SPEF2: variants seen among roughly 807,000 people sequenced by gnomAD.
SPEF2 encodes the protein sperm flagellar and cilia associated 2.
A neutral mutation model predicts 224.6 loss-of-function variants in SPEF2; 187 were observed. That is an observed-to-expected ratio of 0.83 (90% CI 0.74 to 0.94). The LOEUF (loss-of-function observed/expected upper bound fraction) is 0.94, where lower values mean the gene tolerates loss of function less well. Among genes scored for constraint, SPEF2 ranks in the 40% least tolerant of loss-of-function variants. The pLI, the probability that SPEF2 is intolerant of heterozygous loss-of-function variation, is 0.00. For missense variants in SPEF2, 2,170 were observed against 2,135.6 expected (o/e 1.02, Z -0.32); for synonymous variants, 715 against 707.3 (o/e 1.01, Z -0.17).
At chr5:35,689,385 G>A (rs1580287639) in intron 10 of SPEF2, among the ~76,000 whole-genome samples, 1 of 152,042 alleles carries the variant, frequency 6.6e-6, no homozygotes, top group Non-Finnish European at 1.5e-5. Flanking sequence ...AGTTACAGAG[G>A]TGTATTGCAC....
chr5:35,770,447 G>T (rs1045269323), intron 26 of SPEF2, among the ~76,000 whole-genome samples: 5 of 152,004 alleles, frequency 3.3e-5, no homozygotes, highest in African/African-American at 1.2e-4. Context: ...TGTCATCAGA[G>T]CTTATTCCTC....
At chr5:35,619,143 A>C (rs998633943) in intron 1 of SPEF2, among the ~76,000 whole-genome samples, 2 of 152,110 alleles carry the variant, frequency 1.3e-5, no homozygotes, top group Admixed American at 1.3e-4. Flanking sequence ...TCAAATAACC[A>C]TCTACACACT....
intron 21 of SPEF2, among the ~76,000 whole-genome samples, chr5:35,731,509 A>G (rs1314721377): frequency 1.4e-5 from 2 of 147,296 alleles, no homozygotes; most frequent in East Asian, 3.9e-4. Context: ...AGCAAGCTTC[A>G]TTGGATTTTT....
chr5:35,721,472 C>T (rs1743648247), intron 20 of SPEF2, among the ~76,000 whole-genome samples: 1 of 152,144 alleles, frequency 6.6e-6, no homozygotes, highest in African/African-American at 2.4e-5. Context: ...GTGCCCAGAC[C>T]TTACCAATTG....
chr5:35,730,372 T>A (rs1040668774), intron 21 of SPEF2, among the ~76,000 whole-genome samples: 1 of 152,230 alleles, frequency 6.6e-6, no homozygotes, highest in African/African-American at 2.4e-5. Context: ...GAGGCAGCCA[T>A]GCCTCGGGCC....
Position 35,738,336 on chromosome 5 carries a change from T to C in SPEF2, c.3064-1583T>C, listed in dbSNP as rs541228219. Among the ~76,000 whole-genome samples the C allele has an allele frequency of 2.3e-4, 35 of 152,036 alleles. 1 individual carries two copies. The highest frequency in any genetic ancestry group is 8.2e-4 in the African/African-American group (34 of 41,408). On this transcript the variant is annotated intron_variant, in intron 21 of 36. Transcript: ENST00000356031. ...TGCCTAGGTTTTCTTCTAGGGTTTT[T>C]ATGGTTTTAGGTCTAACATTCAAGT...
Position 35,670,477 on chromosome 5 carries a change from G to A in SPEF2, c.1524+250G>A, listed in dbSNP as rs1751086348. ...AACATCAAGCATAGTAATTGTCTGG[G>A]TAGACAGATTTCAGAATTTTTAAAA... On this transcript the variant is annotated intron_variant, in intron 10 of 36. Coordinates refer to ENST00000356031, the MANE Select transcript of SPEF2 (RefSeq NM_024867.4). 31 of 1,113,838 alleles carry A rather than the reference G, an allele frequency of 2.8e-5. 1 individual carries two copies. In the South Asian group the frequency reaches 5.5e-4, roughly 20 times the overall value. The allele number at this position is 1,113,838 out of a possible 1,614,324, so 69.0% of individuals were successfully genotyped here.
chr5:35,743,010 T>C (rs1053277388), intron 23 of SPEF2, among the ~76,000 whole-genome samples: 1 of 151,636 alleles, frequency 6.6e-6, no homozygotes, highest in African/African-American at 2.4e-5. Context: ...AATAGGAATC[T>C]CATTTTATTT....
intron 10 of SPEF2, among the ~76,000 whole-genome samples, chr5:35,679,555 G>T (rs1047987191): frequency 2.0e-5 from 3 of 152,144 alleles, no homozygotes; most frequent in African/African-American, 7.2e-5. Context: ...TTTCTCATCT[G>T]CCAGTCATGT....
At chr5:35,670,483 A>C (rs1310770361) in intron 10 of SPEF2, 1 of 1,100,596 alleles carries the variant, frequency 9.1e-7, no homozygotes, top group African/African-American at 1.6e-5. Flanking sequence ...CTGGGTAGAC[A>C]GATTTCAGAA....
At position 35,740,162 on chromosome 5, in the gene SPEF2, T is replaced by A. The variant is rs1411371586; in HGVS notation, c.3225T>A (p.Asp1075Glu). 1.2e-6 allele frequency: 2 copies of A among 1,614,130 alleles called. No homozygotes were observed. Among genetic ancestry groups the A allele is most frequent in the Non-Finnish European group, 1.7e-6 (2 of 1,180,008 alleles). Residue 1075 changes from aspartate (D) to glutamate (E), a missense_variant, in exon 23 of 37, where the codon GAT becomes GAA. Coordinates refer to ENST00000356031, the MANE Select transcript of SPEF2 (RefSeq NM_024867.4). ...TSFQEFLKRPDHKQDFVAQWQ... is the reference protein window; with the variant it reads ...TSFQEFLKRPEHKQDFVAQWQ... ...TCCAGGAGTTTCTAAAGCGTCCGGA[T>A]CACAAGCAAGATTTTGTAGCTCAAT...
At position 35,771,633 on chromosome 5, in the gene SPEF2, C is replaced by T; in HGVS notation, c.3826C>T (p.Leu1276Phe). Residue 1276 changes from leucine (L) to phenylalanine (F), a missense_variant, in exon 27 of 37, where the codon CTT (leucine) becomes TTT (phenylalanine). By Grantham distance (22) the Leu-to-Phe change is conservative. Transcript: ENST00000356031. ...GGTGGCTGCTGAAATTCATCAGAGG[C>T]TTATGGAAGAAGAAAAAGAAAACCA... ...HMVAAEIHQRLMEEEKENQPA... is the reference protein window; with the variant it reads ...HMVAAEIHQRFMEEEKENQPA... The T allele has an allele frequency of 6.2e-7, 1 of 1,609,680 alleles. No individual in the cohort carries two copies. Among genetic ancestry groups the T allele is most frequent in the Non-Finnish European group, 8.5e-7 (1 of 1,178,808 alleles).
At position 35,672,804 on chromosome 5, in the gene SPEF2, C is replaced by T. The variant is rs563512614; in HGVS notation, c.1524+2577C>T. On this transcript the variant is annotated intron_variant, in intron 10 of 36. Transcript: ENST00000356031. ...CTTAATTGATGTCCATACCCTATAC[C>T]TTTAAAGAACTGACAGTTCCCAGTT... 3.7e-4 allele frequency among the ~76,000 whole-genome samples: 56 copies of T among 152,222 alleles called. 1 individual carries two copies. In the South Asian group the frequency reaches 0.011, roughly 30 times the overall value.
chr5:35,651,887 CGT>C (rs1748233426), intron 6 of SPEF2, among the ~76,000 whole-genome samples: 1 of 152,142 alleles, frequency 6.6e-6, no homozygotes, highest in Non-Finnish European at 1.5e-5. Context: ...GGTTTTTCCC[CGT>C]GTAACAAGGT....
intron 30 of SPEF2, chr5:35,789,541 A>G (rs1755663637): frequency 3.1e-6 from 2 of 655,420 alleles, no homozygotes; most frequent in Non-Finnish European, 5.5e-6. Context: ...ACACACTTTC[A>G]TGGTAACTGC....
At chr5:35,671,174 T>C in intron 10 of SPEF2, 1 of 985,310 alleles carries the variant, frequency 1.0e-6, no homozygotes, top group African/African-American at 1.7e-5. Context: ...AATTATTCAC[T>C]GATAGTACAT....
At chr5:35,667,618 A>C (rs1750666138) in intron 9 of SPEF2, among the ~76,000 whole-genome samples, 1 of 152,158 alleles carries the variant, frequency 6.6e-6, no homozygotes, top group African/African-American at 2.4e-5. Flanking sequence ...TAAAAGGAAA[A>C]CTTGACAAAT....
chr5:35,636,325 A>G (rs1021160014), intron 2 of SPEF2, among the ~76,000 whole-genome samples: 9 of 152,088 alleles, frequency 5.9e-5, no homozygotes, highest in African/African-American at 2.2e-4. Context: ...GCAGTTTACA[A>G]TTTTCCCTTA....
At chr5:35,700,995 A>C (rs1465741024) in intron 16 of SPEF2, among the ~76,000 whole-genome samples, 1 of 152,132 alleles carries the variant, frequency 6.6e-6, no homozygotes, top group Admixed American at 6.6e-5. Context: ...CTTTCCATCA[A>C]CTTGGGAGTT....
Sources: allele counts gnomAD v4.1 joint callset (sites outside exome capture counted in the v4.1 genomes callset), GRCh38; gene constraint gnomAD v4.1.1; transcripts MANE v1.5; gene names NCBI Gene and HGNC (gene_info 2026-07-23, HGNC 2026-07-21).